The following PGCKA1 variants were observed in gnomAD, a reference collection of about 807,000 sequenced individuals.
PGCKA1 encodes PDCD10 and GCKIII kinases associated 1, also known as PDCD10 and GCKIII kinases-associated protein 1.
At chr4:37,472,510 A>C in the PGCKA1 span, among the ~76,000 whole-genome samples, 1 of 152,188 alleles carries the variant, frequency 6.6e-6, no homozygotes, top group South Asian at 2.1e-4. Flanking sequence ...AAATAATATA[A>C]AATAAAATGT....
the PGCKA1 span, among the ~76,000 whole-genome samples, chr4:37,575,154 T>C: frequency 6.6e-6 from 1 of 152,202 alleles, no homozygotes; most frequent in East Asian, 1.9e-4. Context: ...GCTCTGTTTT[T>C]AGTTTCTGAG....
chr4:37,511,632 C>T, the PGCKA1 span, among the ~76,000 whole-genome samples: 1 of 152,104 alleles, frequency 6.6e-6, no homozygotes, highest in Non-Finnish European at 1.5e-5. Context: ...AATCAAGGGT[C>T]TCTTTTGAAG....
At chr4:37,566,243 T>C in the PGCKA1 span, among the ~76,000 whole-genome samples, 3 of 151,994 alleles carry the variant, frequency 2.0e-5, no homozygotes, top group African/African-American at 4.8e-5. Context: ...ACTTGGGCCA[T>C]AATTTTTGTT....
At chr4:37,553,846 A>T in the PGCKA1 span, among the ~76,000 whole-genome samples, 1 of 152,246 alleles carries the variant, frequency 6.6e-6, no homozygotes, top group Non-Finnish European at 1.5e-5. Context: ...CAATGTGCAG[A>T]TAAACACTGA....
the PGCKA1 span, chr4:37,590,972 C>T: frequency 6.2e-7 from 1 of 1,612,786 alleles, no homozygotes; most frequent in Non-Finnish European, 8.5e-7. Context: ...GCTGCTACTG[C>T]AGGAGAAGAT....
At chr4:37,462,563 G>A in the PGCKA1 span, among the ~76,000 whole-genome samples, 1 of 152,130 alleles carries the variant, frequency 6.6e-6, no homozygotes, top group East Asian at 1.9e-4. Context: ...ATTAAAAACT[G>A]ATTTCCTCCC....
chr4:37,579,494 G>C, the PGCKA1 span, among the ~76,000 whole-genome samples: 2 of 152,274 alleles, frequency 1.3e-5, no homozygotes, highest in African/African-American at 4.8e-5. Flanking sequence ...GTCTAGGAAA[G>C]TTTACTTCTT....
chr4:37,490,668 T>C, the PGCKA1 span, among the ~76,000 whole-genome samples: 348 of 152,300 alleles, frequency 2.3e-3, 1 homozygote, highest in Non-Finnish European at 3.7e-3. Flanking sequence ...AAGATAGAAA[T>C]GCAGCCTCCT....
At chr4:37,573,430 C>G in the PGCKA1 span, among the ~76,000 whole-genome samples, 265 of 152,298 alleles carry the variant, frequency 1.7e-3, no homozygotes, top group Non-Finnish European at 2.8e-3. Context: ...TCTGTCCCAT[C>G]CCCTGACTCT....
the PGCKA1 span, among the ~76,000 whole-genome samples, chr4:37,554,389 T>G: frequency 6.6e-6 from 1 of 152,218 alleles, no homozygotes; most frequent in African/African-American, 2.4e-5. Flanking sequence ...TCTTGCTCTG[T>G]CACCCAAGCT....
chr4:37,490,033 AAG>A, the PGCKA1 span, among the ~76,000 whole-genome samples: 1 of 152,108 alleles, frequency 6.6e-6, no homozygotes, highest in Admixed American at 6.6e-5. Flanking sequence ...AAAGAAAAGA[AAG>A]AGGATAGAAA....
the PGCKA1 span, among the ~76,000 whole-genome samples, chr4:37,575,026 A>G: frequency 6.6e-6 from 1 of 151,394 alleles, no homozygotes; most frequent in African/African-American, 2.4e-5. Context: ...TTGCTTCCAA[A>G]TCTTGGCTAT....
chr4:37,550,711 C>G, the PGCKA1 span, among the ~76,000 whole-genome samples: 4 of 152,044 alleles, frequency 2.6e-5, no homozygotes, highest in African/African-American at 9.7e-5. Context: ...CCTGAGATTC[C>G]AGGAAAGACT....
chr4:37,459,898 A>G, the PGCKA1 span, among the ~76,000 whole-genome samples: 3 of 151,156 alleles, frequency 2.0e-5, no homozygotes, highest in Admixed American at 2.0e-4. Flanking sequence ...ACATAGGTAA[A>G]CATGTGCCAT....
the PGCKA1 span, among the ~76,000 whole-genome samples, chr4:37,544,668 A>G: frequency 6.6e-6 from 1 of 151,542 alleles, no homozygotes; most frequent in African/African-American, 2.4e-5. Flanking sequence ...CTGATTAAAA[A>G]AAAACATAGC....
chr4:37,575,122 G>T, the PGCKA1 span, among the ~76,000 whole-genome samples: 1 of 152,156 alleles, frequency 6.6e-6, no homozygotes, highest in African/African-American at 2.4e-5. Context: ...ACTCAGCAAT[G>T]GGATTGCTGG....
At chr4:37,498,535 A>C in the PGCKA1 span, among the ~76,000 whole-genome samples, 1 of 152,226 alleles carries the variant, frequency 6.6e-6, no homozygotes, top group African/African-American at 2.4e-5. Flanking sequence ...TCCATCCATG[A>C]GCACGGGATA....
At chr4:37,590,416 G>GC in the PGCKA1 span, 4 of 1,613,292 alleles carry the variant, frequency 2.5e-6, no homozygotes, top group Non-Finnish European at 3.4e-6. Context: ...GGATGACAGG[G>GC]GCTCCTGGGC....
At chr4:37,557,777 T>C in the PGCKA1 span, among the ~76,000 whole-genome samples, 2 of 152,188 alleles carry the variant, frequency 1.3e-5, no homozygotes, top group Non-Finnish European at 2.9e-5. Flanking sequence ...TAATATTATT[T>C]TACAGACTGA....
Sources: gnomAD v4.1 joint callset for allele counts (sites outside exome capture counted in the v4.1 genomes callset) on GRCh38, gnomAD v4.1.1 for gene constraint, MANE v1.5 for transcripts, NCBI Gene and HGNC (gene_info 2026-07-23, HGNC 2026-07-21) for gene names.